The following THSD4 variants were observed in gnomAD, a reference collection of about 807,000 sequenced individuals.
THSD4 encodes the protein thrombospondin type 1 domain containing 4, also known as thrombospondin type-1 domain-containing protein 4.
In THSD4, 69 loss-of-function variants were observed where a neutral mutation model predicts 119.0. That is an observed-to-expected ratio of 0.58 (90% CI 0.48 to 0.71). The LOEUF (loss-of-function observed/expected upper bound fraction) is 0.71. Ranked by LOEUF, THSD4 falls within the 30% of genes least tolerant of loss-of-function variation. THSD4 has a pLI of 0.00. For synonymous variants in THSD4, 524 were observed against 540.4 expected (o/e 0.97, Z 0.42); for missense variants, 1,393 against 1,391.1 (o/e 1.00, Z -0.02).
intron 6 of THSD4, among the ~76,000 whole-genome samples, chr15:71,283,401 G>A (rs1007272769): frequency 6.6e-6 from 1 of 152,100 alleles, no homozygotes; most frequent in Admixed American, 6.5e-5. Flanking sequence ...CTTATTTCTT[G>A]AATGTTAATA....
At chr15:71,213,614 A>G (rs999437115) in intron 3 of THSD4, among the ~76,000 whole-genome samples, 7 of 152,316 alleles carry the variant, frequency 4.6e-5, no homozygotes, top group East Asian at 3.9e-4. Context: ...GCTGGTGCTC[A>G]GAGCATGTCT....
intron 8 of THSD4, among the ~76,000 whole-genome samples, chr15:71,695,475 A>G (rs1295411305): frequency 6.6e-6 from 1 of 150,764 alleles, no homozygotes; most frequent in Non-Finnish European, 1.5e-5. Context: ...ATGTGTGTAT[A>G]TACACATAAA....
rs571623861 is a variant in THSD4 at position 71,694,589 on chromosome 15, A to G, written c.1357+33855A>G. 2.0e-5 allele frequency among the ~76,000 whole-genome samples: 3 copies of G among 152,366 alleles called. No individual in the cohort carries two copies. In the South Asian group the frequency reaches 6.2e-4, roughly 32 times the overall value. On this transcript the variant is annotated intron_variant, in intron 8 of 17. Coordinates refer to ENST00000261862, the MANE Select transcript of THSD4 (RefSeq NM_024817.3). ...ATTGTAAGAAATAATGTGTTATTTCAGATTTTAACTGAGTGAAAAATTCTG... is the reference window on the plus strand; with the variant it reads ...ATTGTAAGAAATAATGTGTTATTTCGGATTTTAACTGAGTGAAAAATTCTG...
At chr15:71,681,911 A>G (rs1281305182) in intron 8 of THSD4, among the ~76,000 whole-genome samples, 1 of 152,094 alleles carries the variant, frequency 6.6e-6, no homozygotes, top group Non-Finnish European at 1.5e-5. Context: ...TTTAATATGA[A>G]TACTGACTTA....
rs567289835 is a variant in THSD4, at chr15:71,452,315, G to A, written c.1152+40492G>A. Among the ~76,000 whole-genome samples the A allele has an allele frequency of 6.6e-5, 10 of 152,222 alleles. No individual in the cohort carries two copies. In the South Asian group the frequency reaches 1.9e-3, roughly 28 times the overall value. The stretch of plus-strand genomic sequence containing the variant: ...TGGGAAGGAGGACCCAAGTCCCTGT[G>A]GCTTTGGGTTCCCAAAACTCTCTGT... On this transcript the variant is annotated intron_variant, in intron 7 of 17. Transcript: ENST00000261862.
chr15:71,660,181 G>T (rs1038490127), intron 7 of THSD4, among the ~76,000 whole-genome samples: 1 of 152,176 alleles, frequency 6.6e-6, no homozygotes, highest in Non-Finnish European at 1.5e-5. Context: ...ATTCCAGAGA[G>T]ATTCTTTATA....
rs77207502 is a variant in THSD4 at position 71,768,097 on chromosome 15, T to C, written c.2769+2898T>C. The stretch of plus-strand genomic sequence containing the variant: ...GGGAAAGATTCAAGTGTTTATGCTT[T>C]CTTTCTTAAACGACATACCACTGGG... On this transcript the variant is annotated intron_variant, in intron 16 of 17. Coordinates refer to ENST00000261862, the MANE Select transcript of THSD4 (RefSeq NM_024817.3). 1.9e-3 allele frequency among the ~76,000 whole-genome samples: 293 copies of C among 152,286 alleles called. 2 individuals carry two copies. In the Middle Eastern group the frequency reaches 0.024, roughly 12 times the overall value.
At chr15:71,253,568 C>T (rs111943833) in intron 5 of THSD4, among the ~76,000 whole-genome samples, 1,540 of 152,036 alleles carry the variant, frequency 0.01, 9 homozygotes, top group Middle Eastern at 0.02. Flanking sequence ...CCACCATGCC[C>T]GGCTAATTTT....
chr15:71,564,552 C>G (rs1038636359), intron 7 of THSD4, among the ~76,000 whole-genome samples: 2 of 150,278 alleles, frequency 1.3e-5, no homozygotes, highest in Admixed American at 1.3e-4. Context: ...TTACCCAAAA[C>G]CCTTGAGACT....
chr15:71,655,399 T>C (rs1385695121), intron 7 of THSD4, among the ~76,000 whole-genome samples: 1 of 152,198 alleles, frequency 6.6e-6, no homozygotes, highest in South Asian at 2.1e-4. Context: ...GAAGAAAATA[T>C]TTCTGACTAA....
chr15:71,602,720 A>G (rs1476128357), intron 7 of THSD4, among the ~76,000 whole-genome samples: 1 of 152,188 alleles, frequency 6.6e-6, no homozygotes, highest in Admixed American at 6.5e-5. Flanking sequence ...GGCTGGGAGT[A>G]GAAGGGAATG....
chr15:71,125,295 T>C (rs938206124), intron 1 of THSD4, among the ~76,000 whole-genome samples: 1 of 152,114 alleles, frequency 6.6e-6, no homozygotes, highest in African/African-American at 2.4e-5. Flanking sequence ...GCTGGAATTT[T>C]TTTATTGTAA....
intron 6 of THSD4, among the ~76,000 whole-genome samples, chr15:71,288,634 C>T (rs767957357): frequency 3.9e-5 from 6 of 152,076 alleles, no homozygotes; most frequent in African/African-American, 1.2e-4. Context: ...AGAATAGATC[C>T]GGGAAGGCAG....
At chr15:71,698,643 A>G (rs1443916362) in intron 8 of THSD4, among the ~76,000 whole-genome samples, 3 of 143,944 alleles carry the variant, frequency 2.1e-5, no homozygotes, top group Non-Finnish European at 4.5e-5. Context: ...ATGCATGTAT[A>G]TATACATGAA....
intron 7 of THSD4, among the ~76,000 whole-genome samples, chr15:71,508,371 C>T (rs1410076405): frequency 2.0e-5 from 3 of 152,214 alleles, no homozygotes; most frequent in Non-Finnish European, 4.4e-5. Flanking sequence ...AGTCCAGCTG[C>T]CAACAGTCAT....
intron 8 of THSD4, among the ~76,000 whole-genome samples, chr15:71,684,655 G>T (rs1292444429): frequency 6.6e-6 from 1 of 151,224 alleles, no homozygotes; most frequent in East Asian, 1.9e-4. Flanking sequence ...TTTTTTTAAT[G>T]TTCTGTTGAA....
At chr15:71,437,735 G>C (rs28378329) in intron 7 of THSD4, among the ~76,000 whole-genome samples, 12,355 of 152,180 alleles carry the variant, frequency 0.081, 927 homozygotes, top group African/African-American at 0.18. Context: ...ATTCTTAAAA[G>C]GGAGCCAAGA....
At chr15:71,212,564 G>A (rs181957682) in intron 3 of THSD4, among the ~76,000 whole-genome samples, 3 of 152,198 alleles carry the variant, frequency 2.0e-5, no homozygotes, top group Non-Finnish European at 2.9e-5. Flanking sequence ...ACATATTTCT[G>A]CCTTTGTTCG....
chr15:71,200,623 T>C (rs1207614012), intron 3 of THSD4, among the ~76,000 whole-genome samples: 4 of 152,182 alleles, frequency 2.6e-5, no homozygotes, highest in African/African-American at 9.7e-5. Context: ...GGGTTAAGTG[T>C]TTGAAGGTTT....
Sources: allele counts gnomAD v4.1 joint callset (sites outside exome capture counted in the v4.1 genomes callset), GRCh38; gene constraint gnomAD v4.1.1; transcripts MANE v1.5; gene names NCBI Gene and HGNC (gene_info 2026-07-23, HGNC 2026-07-21).